The following AQP3 variants were observed in gnomAD, a reference collection of about 807,000 sequenced individuals.
AQP3 encodes aquaporin 3 (Gill blood group).
A neutral mutation model predicts 30.3 loss-of-function variants in AQP3; 15 were observed. The observed-to-expected ratio is 0.49, with a 90% confidence interval of 0.33 to 0.76. The LOEUF (loss-of-function observed/expected upper bound fraction) is 0.76, where lower values mean the gene tolerates loss of function less well. Among genes scored for constraint, AQP3 ranks in the 30% least tolerant of loss-of-function variants. AQP3 has a pLI of 0.02. For synonymous variants in AQP3, 153 were observed against 163.2 expected (o/e 0.94, Z 0.47); for missense variants, 272 against 384.8 (o/e 0.71, Z 2.45).
intron 5 of AQP3, 43 bp downstream of exon 5, chr9:33,442,258 A>C (rs1245973204): frequency 6.2e-7 from 1 of 1,610,990 alleles, no homozygotes; most frequent in Non-Finnish European, 8.5e-7. Flanking sequence ...GGCAGGGCAG[A>C]GGAGAGGCAG....
Position 33,441,661 on chromosome 9 carries a change from C to T in AQP3, c.*382G>A, listed in dbSNP as rs1826833038. On this transcript the variant is annotated 3_prime_UTR_variant, in exon 6 of 6. Transcript: ENST00000297991. ...CCCTGTCTCTGGGCTCCCCCAATAG[C>T]CAGAATCCCTTCCGACTGGTCCCTT... The T allele has an allele frequency of 2.5e-6, 1 of 403,752 alleles. No individual in the cohort carries two copies. Among genetic ancestry groups the T allele is most frequent in the African/African-American group, 2.0e-5 (1 of 49,320 alleles). The allele number at this position is 403,752 out of a possible 1,614,324, so 25.0% of individuals were successfully genotyped here. A position where few individuals can be genotyped will look rare whatever the true frequency, so the allele number is the denominator to read the frequency against.
chr9:33,443,848 G>A lies in AQP3; in HGVS notation c.153C>T (p.Gly51=). 2 of 1,614,002 alleles carry A rather than the reference G, an allele frequency of 1.2e-6. No homozygotes were observed. Among genetic ancestry groups the A allele is most frequent in the Non-Finnish European group, 1.7e-6 (2 of 1,179,982 alleles). Residue 51 remains glycine, a synonymous_variant, in exon 2 of 6, where the codon GGC becomes GGT. Transcript: ENST00000297991. This position sits in a 1 kb window ranked among gnomAD's most constrained non-coding sequence, Gnocchi z 5.0. ...TGATGGTGAGGAAACCACCGTGGGT[G>A]CCCCGGCTGAGCACAACCTGGGCCA... The part of the protein sequence containing the change: ...GSVAQVVLSR[G]THGGFLTINL...
chr9:33,447,125 C>T (rs1826924264), intron 1 of AQP3, among the ~76,000 whole-genome samples: 1 of 152,162 alleles, frequency 6.6e-6, no homozygotes, highest in Admixed American at 6.5e-5. Flanking sequence ...AGACTGCAAG[C>T]GTGACCGCTG....
intron 1 of AQP3, among the ~76,000 whole-genome samples, chr9:33,446,828 G>A (rs533999009): frequency 1.3e-5 from 2 of 152,272 alleles, no homozygotes; most frequent in East Asian, 3.9e-4. Flanking sequence ...CTCTGTGCCT[G>A]GGCCTAGCTT....
At position 33,441,702 on chromosome 9, in the gene AQP3, GA is replaced by G. The variant is rs1214539459; in HGVS notation, c.*340del. ...CTGGTCCCTTGCCCTGAATATCTGGGAACCCCCCCCACACACACACACCCCT... is the reference window on the plus strand; with the variant it reads ...CTGGTCCCTTGCCCTGAATATCTGGGACCCCCCCCACACACACACACCCCT... On this transcript the variant is annotated 3_prime_UTR_variant, in exon 6 of 6. Transcript: ENST00000297991. The G allele has an allele frequency of 5.1e-6, 2 of 391,188 alleles. No individual in the cohort carries two copies. The highest frequency in any genetic ancestry group is 8.5e-6 in the Non-Finnish European group (2 of 234,928). The allele number at this position is 391,188 out of a possible 1,614,324, so 24.2% of individuals were successfully genotyped here.
rs544032499 is a variant in AQP3, at chr9:33,444,664, G to A, written c.109-772C>T. On this transcript the variant is annotated intron_variant, in intron 1 of 5. Coordinates refer to ENST00000297991, the MANE Select transcript of AQP3 (RefSeq NM_004925.5). ...GGTGGTGGTAGTGGTGGCAATGGGC[G>A]GCATAAATAAATAGGGAGGAGACCA... Among the ~76,000 whole-genome samples, 7 of 151,882 alleles carry A rather than the reference G, an allele frequency of 4.6e-5. No individual in the cohort carries two copies. The East Asian group carries it at 7.7e-4, about 17-fold the overall frequency.
rs557014413 is a variant in AQP3 at position 33,441,836 on chromosome 9, C to T, written c.*207G>A. 3 of 789,440 alleles carry T rather than the reference C, an allele frequency of 3.8e-6. No individual in the cohort carries two copies. The East Asian group carries it at 7.4e-5, about 20-fold the overall frequency. The allele number at this position is 789,440 out of a possible 1,614,324, so 48.9% of individuals were successfully genotyped here. On this transcript the variant is annotated 3_prime_UTR_variant, in exon 6 of 6. Coordinates refer to ENST00000297991, the MANE Select transcript of AQP3 (RefSeq NM_004925.5). Reference sequence around the variant, plus strand: ...TGTATTGACCCAAATTCCGGTTCCACCCCAGCTTAGGGGCAGTGGCCTAAG... The same window carrying T: ...TGTATTGACCCAAATTCCGGTTCCATCCCAGCTTAGGGGCAGTGGCCTAAG...
chr9:33,443,634 G>C lies in AQP3; in HGVS notation c.235+132C>G. The C allele has an allele frequency of 6.6e-7, 1 of 1,509,838 alleles. No individual in the cohort carries two copies. Among genetic ancestry groups the C allele is most frequent in the African/African-American group, 1.4e-5 (1 of 72,758 alleles). 93.5% of individuals were successfully genotyped at this position (1,509,838 alleles called of 1,614,324 possible). A position where few individuals can be genotyped will look rare whatever the true frequency, so the allele number is the denominator to read the frequency against. ...GAGAGTCGAAAGTTCTAAGTGTCAA[G>C]TTTCTTCTCCACCCTCCTTTCCCAA... On this transcript the variant is annotated intron_variant, in intron 2 of 5. Coordinates refer to ENST00000297991, the MANE Select transcript of AQP3 (RefSeq NM_004925.5). This position sits in a 1 kb window ranked among gnomAD's most constrained non-coding sequence, Gnocchi z 5.0.
Position 33,442,537 on chromosome 9 carries a change from A to C in AQP3, c.493-19T>G, listed in dbSNP as rs1463416836. ...CTATGAACTGGGGAGTGGGGAGAAC[A>C]GGGTGAGCTGCAGCTCCCTCCCTTT... On this transcript the variant is annotated intron_variant, in intron 4 of 5. Transcript: ENST00000297991. 2 of 1,587,212 alleles carry C rather than the reference A, an allele frequency of 1.3e-6. No homozygotes were observed. Among genetic ancestry groups the C allele is most frequent in the Non-Finnish European group, 1.7e-6 (2 of 1,165,826 alleles).
At chr9:33,442,716 T>C (rs1826856455) in intron 4 of AQP3, 136 bp downstream of exon 4, 4 of 1,090,196 alleles carry the variant, frequency 3.7e-6, no homozygotes, top group Non-Finnish European at 1.4e-6. Flanking sequence ...CTTGCCACCA[T>C]GTTCTGATGC....
At position 33,441,770 on chromosome 9, in the gene AQP3, C is replaced by A. The variant is rs773108243; in HGVS notation, c.*273G>T. 1.7e-6 allele frequency: 1 copy of A among 593,826 alleles called. No individual in the cohort carries two copies. The highest frequency in any genetic ancestry group is 2.2e-5 in the South Asian group (1 of 46,360). 36.8% of individuals were successfully genotyped at this position (593,826 alleles called of 1,614,324 possible). A position where few individuals can be genotyped will look rare whatever the true frequency, so the allele number is the denominator to read the frequency against. On this transcript the variant is annotated 3_prime_UTR_variant, in exon 6 of 6. Coordinates refer to ENST00000297991, the MANE Select transcript of AQP3 (RefSeq NM_004925.5). ...ACATGCACACACATGCACACACACACATACCTGCTGCCCATTCTCTTCCCT... is the reference window on the plus strand; with the variant it reads ...ACATGCACACACATGCACACACACAAATACCTGCTGCCCATTCTCTTCCCT...
Position 33,443,284 on chromosome 9 carries a change from G to T in AQP3, c.373+37C>A. 6.4e-7 allele frequency: 1 copy of T among 1,563,782 alleles called. No individual in the cohort carries two copies. Among genetic ancestry groups the T allele is most frequent in the Non-Finnish European group, 8.7e-7 (1 of 1,153,752 alleles). On this transcript the variant is annotated intron_variant, in intron 3 of 5. Transcript: ENST00000297991. The surrounding 1 kb of genome is among the most constrained non-coding windows in gnomAD (Gnocchi z 5.0). ...GCCAGCAGGTCCTGAACAGAGGGACGGGGGTAGTGGAGGAGGACAGGGTGG... is the reference window on the plus strand; with the variant it reads ...GCCAGCAGGTCCTGAACAGAGGGACTGGGGTAGTGGAGGAGGACAGGGTGG...
intron 1 of AQP3, among the ~76,000 whole-genome samples, chr9:33,445,844 A>G (rs774566792): frequency 2.0e-5 from 3 of 152,150 alleles, no homozygotes; most frequent in Non-Finnish European, 2.9e-5. Context: ...CTCACCCACT[A>G]CAAAGGGATC....
In AQP3 at chr9:33,443,918, A is replaced by T; in HGVS notation, c.109-26T>A. 1.2e-6 allele frequency: 2 copies of T among 1,610,462 alleles called. No individual in the cohort carries two copies. Among genetic ancestry groups the T allele is most frequent in the South Asian group, 1.1e-5 (1 of 90,822 alleles). ...CTGTCAGGAAGAAGAACAGGCAGGG[A>T]GGGTGAGGACCAGCAACTCTCACTC... On this transcript the variant is annotated intron_variant, in intron 1 of 5. Coordinates refer to ENST00000297991, the MANE Select transcript of AQP3 (RefSeq NM_004925.5). This position sits in a 1 kb window ranked among gnomAD's most constrained non-coding sequence, Gnocchi z 5.0.
intron 1 of AQP3, among the ~76,000 whole-genome samples, chr9:33,444,836 C>T (rs187516018): frequency 6.6e-6 from 1 of 152,210 alleles, no homozygotes; most frequent in Non-Finnish European, 1.5e-5. Context: ...TCTCAGGGGT[C>T]CAGATTCCCC....
chr9:33,446,816 T>C (rs955971257), intron 1 of AQP3, among the ~76,000 whole-genome samples: 12 of 152,094 alleles, frequency 7.9e-5, no homozygotes, highest in African/African-American at 2.9e-4. Flanking sequence ...TAGACACGCG[T>C]CCTCTGTGCC....
Position 33,443,544 on chromosome 9 carries a change from G to C in AQP3, c.236-86C>G, listed in dbSNP as rs1826872966. 1.3e-6 allele frequency: 2 copies of C among 1,535,714 alleles called. No homozygotes were observed. Among genetic ancestry groups the C allele is most frequent in the African/African-American group, 1.4e-5 (1 of 73,236 alleles). ...CCCCTGAGAAGGGGTGCAGAGAGGGGTTTCTTGCACAGGATGGCGGTTGGT... is the reference window on the plus strand; with the variant it reads ...CCCCTGAGAAGGGGTGCAGAGAGGGCTTTCTTGCACAGGATGGCGGTTGGT... On this transcript the variant is annotated intron_variant, in intron 2 of 5. Coordinates refer to ENST00000297991, the MANE Select transcript of AQP3 (RefSeq NM_004925.5). The surrounding 1 kb of genome is among the most constrained non-coding windows in gnomAD (Gnocchi z 5.0).
chr9:33,444,110 A>C (rs994967417), intron 1 of AQP3, among the ~76,000 whole-genome samples: 1 of 152,204 alleles, frequency 6.6e-6, no homozygotes, highest in Admixed American at 6.5e-5. Flanking sequence ...AGAGGGCCCT[A>C]TGGAAAGGGC....
rs1826861845 is a variant in AQP3 at position 33,442,980 on chromosome 9, G to A, written c.374-10C>T. 2.5e-6 allele frequency: 4 copies of A among 1,611,648 alleles called. No individual in the cohort carries two copies. The African/African-American group carries it at 5.3e-5, about 21-fold the overall frequency. ...AAGTGCCAGATTGCATCTGGTGACA[G>A]ATTAGACACACAGTGAGTCGGGGGA... is the stretch of plus-strand genomic sequence containing the variant. On this transcript the variant is annotated splice_polypyrimidine_tract_variant and intron_variant, in intron 3 of 5. Transcript: ENST00000297991.
Sources: allele counts gnomAD v4.1 joint callset (sites outside exome capture counted in the v4.1 genomes callset), GRCh38; gene constraint gnomAD v4.1.1; non-coding constraint Gnocchi (gnomAD v3.1); transcripts MANE v1.5; gene names NCBI Gene and HGNC (gene_info 2026-07-23, HGNC 2026-07-21).